The following NAF1 variants were observed in gnomAD, a reference collection of about 807,000 sequenced individuals.
NAF1 encodes the protein nuclear assembly factor 1 ribonucleoprotein.
In NAF1, 11 loss-of-function variants were observed where a neutral mutation model predicts 40.6. The ratio of observed to expected loss-of-function variants is 0.27; its 90% CI spans 0.17 to 0.45. The LOEUF is 0.45. Ranked by LOEUF, NAF1 falls within the 20% of genes least tolerant of loss-of-function variation. The pLI, the probability that NAF1 is intolerant of heterozygous loss-of-function variation, is 1.00. For synonymous variants in NAF1, 260 were observed against 228.5 expected, an observed-to-expected ratio of 1.14 and a Z score of -1.24; for missense variants, 607 against 611.1, an observed-to-expected ratio of 0.99 and a Z score of 0.07.
chr4:163,131,188 A>G (rs921375351), intron 7 of NAF1, among the ~76,000 whole-genome samples: 1 of 152,162 alleles, frequency 6.6e-6, no homozygotes, highest in South Asian at 2.1e-4. Flanking sequence ...GACTTTTTAG[A>G]TAATGACTTC....
Position 163,166,865 on chromosome 4 carries a change from C to G in NAF1, c.-138G>C. 1 of 1,204,556 alleles carries G rather than the reference C, an allele frequency of 8.3e-7. No individual in the cohort carries two copies. Among genetic ancestry groups the G allele is most frequent in the Non-Finnish European group, 1.1e-6 (1 of 885,040 alleles). The allele number at this position is 1,204,556 out of a possible 1,614,324, so 74.6% of individuals were successfully genotyped here. A position where few individuals can be genotyped will look rare whatever the true frequency, so the allele number is the denominator to read the frequency against. ...CCAACTTCCCGCGTTTCTCAGGTAA[C>G]TACACGCGGAGGAGCCAAAAGACAC... On this transcript the variant is annotated 5_prime_UTR_variant, in exon 1 of 8. Transcript: ENST00000274054.
intron 7 of NAF1, 82 bp from the exon 8 acceptor site, chr4:163,129,430 T>C (rs1306060700): frequency 2.2e-6 from 3 of 1,348,828 alleles, no homozygotes; most frequent in Non-Finnish European, 3.0e-6. Flanking sequence ...TCAATTATGA[T>C]TTTTATTATC....
chr4:163,153,229 C>T (rs1048836112), intron 2 of NAF1, among the ~76,000 whole-genome samples: 2 of 152,202 alleles, frequency 1.3e-5, no homozygotes, highest in Non-Finnish European at 2.9e-5. Flanking sequence ...CTGAGGAGTA[C>T]GAGCGCATGG....
intron 2 of NAF1, among the ~76,000 whole-genome samples, chr4:163,118,794 G>T (rs373462190): frequency 6.6e-6 from 1 of 152,040 alleles, no homozygotes; most frequent in East Asian, 1.9e-4. Flanking sequence ...TTTTATATGA[G>T]CATTTGTAAC....
At chr4:163,142,131 T>A (rs1731284831) in intron 4 of NAF1, among the ~76,000 whole-genome samples, 1 of 152,230 alleles carries the variant, frequency 6.6e-6, no homozygotes, top group African/African-American at 2.4e-5. Flanking sequence ...CCAGTAGACC[T>A]CGTCCAGTAA....
chr4:163,151,469 T>C (rs895107011), intron 2 of NAF1, among the ~76,000 whole-genome samples: 7 of 152,036 alleles, frequency 4.6e-5, no homozygotes, highest in African/African-American at 1.4e-4. Context: ...ACTAGCCAGT[T>C]ATCCTGACAT....
intron 2 of NAF1, among the ~76,000 whole-genome samples, chr4:163,149,801 C>T (rs550273649): frequency 2.6e-4 from 39 of 152,210 alleles, no homozygotes; most frequent in Non-Finnish European, 4.9e-4. Context: ...CATTAAATAG[C>T]CTTTTTACAG....
intron 4 of NAF1, chr4:163,142,023 C>T: frequency 3.6e-6 from 2 of 559,874 alleles, no homozygotes; most frequent in Non-Finnish European, 4.5e-6. Flanking sequence ...TATGAAATAA[C>T]ACTAATAGCA....
downstream of NAF1, among the ~76,000 whole-genome samples, chr4:163,106,117 T>C (rs568463114): frequency 2.6e-5 from 4 of 152,222 alleles, no homozygotes; most frequent in South Asian, 2.1e-4. Context: ...GAGGCCTCAT[T>C]TGGATTTGAA....
intron 2 of NAF1, among the ~76,000 whole-genome samples, chr4:163,159,014 G>A (rs1560806818): frequency 1.3e-5 from 2 of 152,012 alleles, no homozygotes; most frequent in African/African-American, 4.8e-5. Context: ...CTCTTTAACA[G>A]ATATTTGTCT....
chr4:163,156,989 C>T (rs1272267291), intron 2 of NAF1: 2 of 151,992 alleles, frequency 1.3e-5, no homozygotes, highest in African/African-American at 2.4e-5. Flanking sequence ...AATACTTCTA[C>T]ACATAACAAA....
At chr4:163,111,240 AGAGG>A (rs1278639695) in intron 2 of NAF1, among the ~76,000 whole-genome samples, 2 of 152,146 alleles carry the variant, frequency 1.3e-5, no homozygotes, top group East Asian at 3.8e-4. Context: ...ATACCAGAGG[AGAGG>A]GAGGAAGTAG....
chr4:163,121,035 G>A (rs1288213000), intron 2 of NAF1, among the ~76,000 whole-genome samples: 2 of 151,848 alleles, frequency 1.3e-5, no homozygotes, highest in Non-Finnish European at 2.9e-5. Flanking sequence ...GGAATTACAG[G>A]GATGCACCAC....
intron 2 of NAF1, among the ~76,000 whole-genome samples, chr4:163,152,272 CA>C (rs2110998463): frequency 6.6e-6 from 1 of 152,178 alleles, no homozygotes; most frequent in East Asian, 1.9e-4. Context: ...TGAGTTTCAT[CA>C]AATATTCTTT....
rs1732503163 is a variant in NAF1, at chr4:163,166,816, C to T, written c.-89G>A. The T allele has an allele frequency of 2.0e-6, 3 of 1,514,422 alleles. No homozygotes were observed. Among genetic ancestry groups the T allele is most frequent in the African/African-American group, 2.8e-5 (2 of 71,476 alleles). The allele number at this position is 1,514,422 out of a possible 1,614,324, so 93.8% of individuals were successfully genotyped here. ...TCCAGAAATAGAAAAACAACTTAGG[C>T]AACCGCAGCAACACTGCCTGGGCCC... is the stretch of plus-strand genomic sequence containing the variant. On this transcript the variant is annotated 5_prime_UTR_variant, in exon 1 of 8. Transcript: ENST00000274054.
chr4:163,115,492 A>G (rs935554690), intron 2 of NAF1, among the ~76,000 whole-genome samples: 12 of 152,044 alleles, frequency 7.9e-5, no homozygotes, highest in African/African-American at 2.9e-4. Context: ...CACCACACCC[A>G]GCCAGGACAA....
At chr4:163,105,298 G>T (rs1375843038), downstream of NAF1, among the ~76,000 whole-genome samples, 1 of 152,132 alleles carries the variant, frequency 6.6e-6, no homozygotes, top group Non-Finnish European at 1.5e-5. Context: ...GATAATAACA[G>T]CTCTAATAGC....
At chr4:163,152,727 T>C (rs1469829464) in intron 2 of NAF1, among the ~76,000 whole-genome samples, 1 of 152,230 alleles carries the variant, frequency 6.6e-6, no homozygotes, top group African/African-American at 2.4e-5. Flanking sequence ...CTCCTCTGCC[T>C]ATGCTCCCAC....
chr4:163,121,912 G>A (rs1269691253), downstream of NAF1, among the ~76,000 whole-genome samples: 1 of 152,120 alleles, frequency 6.6e-6, no homozygotes, highest in Non-Finnish European at 1.5e-5. Flanking sequence ...TTCCTGATTT[G>A]AGTCATCCAG....
Sources: allele counts gnomAD v4.1 joint callset (sites outside exome capture counted in the v4.1 genomes callset), GRCh38; gene constraint gnomAD v4.1.1; transcripts MANE v1.5; gene names NCBI Gene and HGNC (gene_info 2026-07-23, HGNC 2026-07-21).